FBRSL1: variants seen among roughly 807,000 people sequenced by gnomAD.
FBRSL1 encodes the protein fibrosin like 1.
Under a neutral mutation model 89.6 loss-of-function variants are expected in FBRSL1, and 51 were observed. The observed-to-expected ratio is 0.57, with a 90% confidence interval of 0.45 to 0.72. The LOEUF is 0.72. Among genes scored for constraint, FBRSL1 ranks in the 30% least tolerant of loss-of-function variants. FBRSL1 has a pLI of 0.00. For missense variants in FBRSL1, 1,618 were observed against 1,451.8 expected, an observed-to-expected ratio of 1.11 and a Z score of -1.86; for synonymous variants, 779 against 681.1, an observed-to-expected ratio of 1.14 and a Z score of -2.24.
chr12:132,513,027 G>A (rs1199969566), intron 2 of FBRSL1, among the ~76,000 whole-genome samples: 2 of 152,246 alleles, frequency 1.3e-5, no homozygotes, highest in East Asian at 3.8e-4. Context: ...TGGGGCCCGC[G>A]CCCTGGTGGG....
rs1469742037 is a variant in FBRSL1 at position 132,499,860 on chromosome 12, T to C, written c.292-8293T>C. ...GGAGTGTGAGGGACAGAACGGCCTCTGAGCCCCAGCTCCGTTGGCGCAGCA... is the reference window on the plus strand; with the variant it reads ...GGAGTGTGAGGGACAGAACGGCCTCCGAGCCCCAGCTCCGTTGGCGCAGCA... On this transcript the variant is annotated intron_variant, in intron 1 of 18. Coordinates refer to ENST00000680143, the MANE Select transcript of FBRSL1 (RefSeq NM_001367871.1). This position sits in a 1 kb window ranked among gnomAD's most constrained non-coding sequence, Gnocchi z 4.3. Among the ~76,000 whole-genome samples, 1 of 152,164 alleles carries C rather than the reference T, an allele frequency of 6.6e-6. No homozygotes were observed. The highest frequency in any genetic ancestry group is 6.5e-5 in the Admixed American group (1 of 15,280).
At chr12:132,523,370 A>G (rs2035526462) in intron 2 of FBRSL1, among the ~76,000 whole-genome samples, 1 of 151,750 alleles carries the variant, frequency 6.6e-6, no homozygotes, top group South Asian at 2.1e-4. Flanking sequence ...AAGAGACCCC[A>G]CCCCACGACC....
At chr12:132,527,892 C>T (rs1225436592) in intron 3 of FBRSL1, 61 bp from the exon 4 acceptor site, 32 of 1,499,044 alleles carry the variant, frequency 2.1e-5, no homozygotes, top group Non-Finnish European at 2.8e-5. Context: ...CTGTCGGGTG[C>T]ATCCCTGGGA....
intron 5 of FBRSL1, among the ~76,000 whole-genome samples, chr12:132,548,472 G>T (rs570579728): frequency 3.3e-5 from 5 of 152,286 alleles, no homozygotes; most frequent in South Asian, 4.1e-4. Context: ...AGGTAGATGC[G>T]CAGCCTATGA....
At chr12:132,531,680 CGTT>C (rs1022494647) in intron 4 of FBRSL1, among the ~76,000 whole-genome samples, 5 of 151,926 alleles carry the variant, frequency 3.3e-5, no homozygotes, top group Non-Finnish European at 5.9e-5. Flanking sequence ...GTGCACGTGG[CGTT>C]GTGTGTTGTG....
chr12:132,580,434 C>CTG (rs1474548197), intron 15 of FBRSL1, among the ~76,000 whole-genome samples: 4 of 26,514 alleles, frequency 1.5e-4, no homozygotes, highest in South Asian at 2.7e-3. Context: ...TCGCTGCCTT[C>CTG]TCTGTGTGTT....
At chr12:132,543,804 G>A (rs2037460002) in intron 4 of FBRSL1, among the ~76,000 whole-genome samples, 1 of 152,224 alleles carries the variant, frequency 6.6e-6, no homozygotes, top group South Asian at 2.1e-4. Context: ...CACTCTCACG[G>A]AGGACGAAAC....
chr12:132,574,173 G>T lies in FBRSL1; in HGVS notation c.1599+15G>T. 3 of 1,425,650 alleles carry T rather than the reference G, an allele frequency of 2.1e-6. No homozygotes were observed. Among genetic ancestry groups the T allele is most frequent in the Non-Finnish European group, 2.7e-6 (3 of 1,094,706 alleles). 88.3% of individuals were successfully genotyped at this position (1,425,650 alleles called of 1,614,324 possible). On this transcript the variant is annotated intron_variant, in intron 12 of 18. Coordinates refer to ENST00000680143, the MANE Select transcript of FBRSL1 (RefSeq NM_001367871.1). Reference sequence around the variant, plus strand: ...AAGCGCCTGGGGTAGGTGTTAGTGGGCGCCCGTCCCCACCCCGGGGGATGG... The same window carrying T: ...AAGCGCCTGGGGTAGGTGTTAGTGGTCGCCCGTCCCCACCCCGGGGGATGG...
At chr12:132,516,128 G>A (rs983067629) in intron 2 of FBRSL1, among the ~76,000 whole-genome samples, 1 of 151,884 alleles carries the variant, frequency 6.6e-6, no homozygotes, top group African/African-American at 2.4e-5. Context: ...AACAGCTTAG[G>A]TGAAGTGGGC....
chr12:132,538,071 T>C (rs1411915399), intron 4 of FBRSL1, among the ~76,000 whole-genome samples: 1 of 152,034 alleles, frequency 6.6e-6, no homozygotes, highest in Non-Finnish European at 1.5e-5. Context: ...AGATCCCTGG[T>C]CAGAGTGAGC....
At chr12:132,543,619 G>C (rs2137244978) in intron 4 of FBRSL1, among the ~76,000 whole-genome samples, 1 of 151,602 alleles carries the variant, frequency 6.6e-6, no homozygotes, top group South Asian at 2.1e-4. Flanking sequence ...CCAAGCCCAT[G>C]TGCCCCCCTA....
intron 5 of FBRSL1, chr12:132,560,129 C>T (rs939740121): frequency 5.3e-5 from 8 of 151,808 alleles, no homozygotes; most frequent in African/African-American, 1.9e-4. Context: ...GAGGGGTCGC[C>T]TGGACGGGCC....
chr12:132,522,930 G>T (rs914862110), intron 2 of FBRSL1, among the ~76,000 whole-genome samples: 15 of 152,294 alleles, frequency 9.8e-5, no homozygotes, highest in East Asian at 1.9e-4. Context: ...GTCACTCTAG[G>T]GGGGGCAGGG....
At chr12:132,504,403 A>G (rs2033415825) in intron 1 of FBRSL1, among the ~76,000 whole-genome samples, 1 of 152,174 alleles carries the variant, frequency 6.6e-6, no homozygotes, top group African/African-American at 2.4e-5. Flanking sequence ...CTGTCTAGCA[A>G]TGTCACGGCA....
At chr12:132,528,020 G>A in intron 4 of FBRSL1, 32 bp downstream of exon 4, 1 of 1,548,918 alleles carries the variant, frequency 6.5e-7, no homozygotes, top group Middle Eastern at 1.7e-4. Flanking sequence ...CTCCATCTTT[G>A]TCCCCCTGGG....
At chr12:132,520,158 A>AC (rs2035222981) in intron 2 of FBRSL1, among the ~76,000 whole-genome samples, 1 of 99,628 alleles carries the variant, frequency 1.0e-5, no homozygotes, top group African/African-American at 4.1e-5. Flanking sequence ...CCCTCCTTGC[A>AC]CCCTCCAGCA....
intron 4 of FBRSL1, among the ~76,000 whole-genome samples, chr12:132,547,249 C>T (rs976499190): frequency 2.7e-5 from 4 of 148,064 alleles, no homozygotes; most frequent in East Asian, 2.0e-4. Flanking sequence ...TTACTGAAAA[C>T]GGAGAACGGA....
intron 3 of FBRSL1, among the ~76,000 whole-genome samples, chr12:132,527,498 C>G (rs529998903): frequency 6.6e-6 from 1 of 152,344 alleles, no homozygotes; most frequent in East Asian, 1.9e-4. Context: ...CCTGCGGCCT[C>G]AGCCCTCGTG....
At position 132,572,549 on chromosome 12, in the gene FBRSL1, C is replaced by T. The variant is rs770718344; in HGVS notation, c.1457C>T (p.Ala486Val). 6.4e-7 allele frequency: 1 copy of T among 1,551,300 alleles called. No homozygotes were observed. The highest frequency in any genetic ancestry group is 8.7e-7 in the Non-Finnish European group (1 of 1,146,792). ...SVSFFPSFPP[A>V]IPGLPTLLPH... The stretch of plus-strand genomic sequence containing the variant: ...CAGTTCTTCCCGTCCTTCCCTCCTG[C>T]CATCCCGGGACTGCCCACCCTGCTC... Residue 486 changes from alanine to valine, a missense_variant, in exon 11 of 19, where the codon GCC becomes GTC. Transcript: ENST00000680143.
Sources: gnomAD v4.1 joint callset for allele counts (sites outside exome capture counted in the v4.1 genomes callset) on GRCh38, gnomAD v4.1.1 for gene constraint, Gnocchi (gnomAD v3.1) non-coding constraint, MANE v1.5 for transcripts, NCBI Gene and HGNC (gene_info 2026-07-23, HGNC 2026-07-21) for gene names.